The following MME variants were observed in gnomAD, a reference collection of about 807,000 sequenced individuals.
The protein encoded by MME is neprilysin.
A neutral mutation model predicts 113.2 loss-of-function variants in MME; 98 were observed. That is an observed-to-expected ratio of 0.87 (90% CI 0.74 to 1.02). The LOEUF (loss-of-function observed/expected upper bound fraction) is 1.02, where lower values mean the gene tolerates loss of function less well. Ranked by LOEUF, MME falls within the 50% of genes least tolerant of loss-of-function variation. The pLI, the probability that MME is intolerant of heterozygous loss-of-function variation, is 0.00. For missense variants in MME, 836 were observed against 896.0 expected, an observed-to-expected ratio of 0.93 and a Z score of 0.86; for synonymous variants, 292 against 300.6, an observed-to-expected ratio of 0.97 and a Z score of 0.30.
intron 17 of MME, among the ~76,000 whole-genome samples, chr3:155,162,386 A>G (rs1411528771): frequency 6.6e-6 from 1 of 152,212 alleles, no homozygotes; most frequent in East Asian, 1.9e-4. Context: ...AAGCACACAG[A>G]AAAAGGAAAA....
chr3:155,160,101 C>T (rs1722607178), intron 16 of MME, among the ~76,000 whole-genome samples: 1 of 151,974 alleles, frequency 6.6e-6, no homozygotes, highest in South Asian at 2.1e-4. Flanking sequence ...TAACCCATTG[C>T]AATTTCTGAA....
intron 1 of MME, among the ~76,000 whole-genome samples, chr3:155,053,331 G>A (rs1425659637): frequency 6.6e-6 from 1 of 152,160 alleles, no homozygotes; most frequent in Non-Finnish European, 1.5e-5. Context: ...AATTTGTAAA[G>A]AAAAGAGGTT....
In MME at chr3:155,160,453, G is replaced by A. The variant is rs201654195; in HGVS notation, c.1660+5G>A. The stretch of plus-strand genomic sequence containing the variant: ...CTTCAGGAAGAAATCAGATAGGTAA[G>A]GTGTATTCTTAAATAATTATTTAAT... On this transcript the variant is annotated splice_donor_5th_base_variant and intron_variant, in intron 17 of 22. Coordinates refer to ENST00000360490, the MANE Select transcript of MME (RefSeq NM_007289.4). The A allele has an allele frequency of 1.3e-6, 2 of 1,574,468 alleles. No homozygotes were observed. The highest frequency in any genetic ancestry group is 2.2e-5 in the South Asian group (2 of 90,016).
chr3:155,131,059 A>C (rs1720107217), intron 8 of MME, among the ~76,000 whole-genome samples: 1 of 152,322 alleles, frequency 6.6e-6, no homozygotes, highest in Non-Finnish European at 1.5e-5. Flanking sequence ...AATCAAGGTG[A>C]TAGAATAATA....
At position 155,144,410 on chromosome 3, in the gene MME, G is replaced by T; in HGVS notation, c.1369G>T (p.Asp457Tyr). The T allele has an allele frequency of 1.2e-6, 2 of 1,612,956 alleles. No homozygotes were observed. Among genetic ancestry groups the T allele is most frequent in the South Asian group, 2.2e-5 (2 of 91,044 alleles). The change falls in exon 14 of 23, where the codon GAC becomes TAC. Residue 457 changes from aspartate to tyrosine, a missense_variant. Physicochemically the swap from Asp to Tyr is radical, Grantham distance 160. Transcript: ENST00000360490. ...AGAAGTTTTTATTCAGACTTTAGAT[G>T]ACCTCACTTGGATGGATGCCGAGAC... ...IREVFIQTLD[D>Y]LTWMDAETKK...
chr3:155,084,823 G>C (rs1576699046), intron 2 of MME, among the ~76,000 whole-genome samples: 1 of 152,090 alleles, frequency 6.6e-6, no homozygotes, highest in Admixed American at 6.6e-5. Context: ...GGCTTCGTTG[G>C]TAGAGAAGAT....
intron 1 of MME, among the ~76,000 whole-genome samples, chr3:155,059,604 G>A (rs567377418): frequency 1.3e-5 from 2 of 152,096 alleles, no homozygotes; most frequent in South Asian, 4.2e-4. Context: ...GTTTCCCATA[G>A]AAAATAGAAA....
rs376436889 is a variant in MME, at chr3:155,133,062, A to ATATATATATATAT, written c.721-5040_721-5039insTATATATATATAT. ...TCTAAAAAAAAAAAAAAAAAAAAAA[A>ATATATATATATAT]ATATATATATATATATATGTATAAA... On this transcript the variant is annotated intron_variant, in intron 8 of 22. Transcript: ENST00000360490. 1.1e-3 allele frequency among the ~76,000 whole-genome samples: 81 copies of ATATATATATATAT among 74,972 alleles called. 1 individual carries two copies. The highest frequency in any genetic ancestry group is 5.1e-3 in the African/African-American group (77 of 15,124). The allele number at this position is 74,972 out of a possible 152,430, so 49.2% of individuals were successfully genotyped here.
chr3:155,119,429 T>A (rs977917297), intron 8 of MME, among the ~76,000 whole-genome samples: 28 of 142,814 alleles, frequency 2.0e-4, no homozygotes, highest in African/African-American at 4.5e-4. Context: ...TTTTTTTTTT[T>A]ATTATACTTT....
chr3:155,107,867 A>C (rs1440998447), intron 3 of MME, among the ~76,000 whole-genome samples: 2 of 152,154 alleles, frequency 1.3e-5, no homozygotes, highest in South Asian at 2.1e-4. Flanking sequence ...TGATGATTTC[A>C]CTGTTAAAAT....
rs1713279219 is a variant in MME at position 155,183,374 on chromosome 3, G to A, written c.*2915G>A. 1 of 152,202 alleles carries A rather than the reference G, an allele frequency of 6.6e-6. No individual in the cohort carries two copies. Among genetic ancestry groups the A allele is most frequent in the African/African-American group, 2.4e-5 (1 of 41,456 alleles). 9.4% of individuals were successfully genotyped at this position (152,202 alleles called of 1,614,324 possible). A position where few individuals can be genotyped will look rare whatever the true frequency, so the allele number is the denominator to read the frequency against. ...TGCCTTCCCATGAATCTGTCTCCCA[G>A]TTATGAATCAGTGGGCAGGATAAAC... is the stretch of plus-strand genomic sequence containing the variant. On this transcript the variant is annotated 3_prime_UTR_variant, in exon 23 of 23. Transcript: ENST00000360490.
chr3:155,054,052 G>A lies in MME; in HGVS notation c.-11+29728G>A, dbSNP rs563490129. The stretch of plus-strand genomic sequence containing the variant: ...TGCTAAGAATTGCCAGCAATCACCA[G>A]AAGCTGTTCTCCAGAACTGTGAGAG... On this transcript the variant is annotated intron_variant, in intron 1 of 22. Coordinates refer to the MME transcript ENST00000492661. Among the ~76,000 whole-genome samples the A allele has an allele frequency of 5.9e-5, 9 of 152,322 alleles. No homozygotes were observed. The East Asian group carries it at 1.4e-3, about 23-fold the overall frequency.
At chr3:155,079,021 A>G (rs557754801), upstream of MME, among the ~76,000 whole-genome samples, 2 of 152,240 alleles carry the variant, frequency 1.3e-5, no homozygotes, top group Non-Finnish European at 2.9e-5. Flanking sequence ...CCCCACCCTC[A>G]ACCTCCGATG....
At chr3:155,030,563 T>C (rs1042731824) in intron 1 of MME, among the ~76,000 whole-genome samples, 3 of 152,182 alleles carry the variant, frequency 2.0e-5, no homozygotes, top group Non-Finnish European at 1.5e-5. Context: ...TTATAAACAC[T>C]TTATCCAGCT....
At chr3:155,055,380 T>C (rs541264802) in intron 1 of MME, among the ~76,000 whole-genome samples, 7 of 152,252 alleles carry the variant, frequency 4.6e-5, no homozygotes, top group Admixed American at 3.9e-4. Flanking sequence ...GACGGATCAC[T>C]TGAGGTTAGG....
At chr3:155,129,445 TAAG>T (rs990663639) in intron 8 of MME, among the ~76,000 whole-genome samples, 3 of 152,174 alleles carry the variant, frequency 2.0e-5, no homozygotes, top group Non-Finnish European at 2.9e-5. Flanking sequence ...CCACAATTAC[TAAG>T]AAGATCATTT....
At chr3:155,036,636 T>A (rs1462206390) in intron 1 of MME, among the ~76,000 whole-genome samples, 1 of 152,168 alleles carries the variant, frequency 6.6e-6, no homozygotes, top group African/African-American at 2.4e-5. Context: ...ATTATTGAGT[T>A]GTAAGAGTTC....
intron 16 of MME, among the ~76,000 whole-genome samples, chr3:155,160,004 C>T (rs1297011649): frequency 6.6e-6 from 1 of 151,964 alleles, no homozygotes; most frequent in Non-Finnish European, 1.5e-5. Context: ...ATGACCCACA[C>T]TTCAGTATTC....
chr3:155,172,168 C>T lies in MME; in HGVS notation c.2032C>T (p.Leu678Phe). ...KNGEEKLLPG[L>F]DLNHKQLFFL... is the part of the protein sequence containing the mutation. ...TGGCGAAGAAAAATTACTTCCTGGA[C>T]TTGACCTAAATCACAAACAACTATT... The change falls in exon 21 of 23, where the codon CTT becomes TTT. Residue 678 changes from leucine (L) to phenylalanine (F), a missense_variant. Transcript: ENST00000360490. 6.2e-7 allele frequency: 1 copy of T among 1,611,912 alleles called. No homozygotes were observed. The highest frequency in any genetic ancestry group is 8.5e-7 in the Non-Finnish European group (1 of 1,178,328).
Sources: allele counts gnomAD v4.1 joint callset (sites outside exome capture counted in the v4.1 genomes callset), GRCh38; gene constraint gnomAD v4.1.1; transcripts MANE v1.5; gene names NCBI Gene and HGNC (gene_info 2026-07-23, HGNC 2026-07-21).